PSMC6: variants seen among roughly 807,000 people sequenced by gnomAD.
PSMC6 encodes proteasome 26S subunit, ATPase 6.
Under a neutral mutation model 55.9 loss-of-function variants are expected in PSMC6, and 3 were observed. The ratio of observed to expected loss-of-function variants is 0.05; its 90% CI spans 0.02 to 0.14. The LOEUF (loss-of-function observed/expected upper bound fraction) is 0.14. Ranked by LOEUF, PSMC6 falls within the 10% of genes least tolerant of loss-of-function variation. PSMC6 has a pLI of 1.00. For synonymous variants in PSMC6, 137 were observed against 155.9 expected (o/e 0.88, Z 0.90); for missense variants, 210 against 478.7 (o/e 0.44, Z 5.24).
At chr14:52,720,367 C>CAA (rs71444775) in intron 10 of PSMC6, among the ~76,000 whole-genome samples, 5,830 of 41,376 alleles carry the variant, frequency 0.14, 1,587 homozygotes, top group African/African-American at 0.21. Context: ...AACTCTGTCT[C>CAA]AAAAAAAAAA....
intron 13 of PSMC6, among the ~76,000 whole-genome samples, chr14:52,725,162 C>G (rs542735511): frequency 2.6e-5 from 4 of 152,346 alleles, no homozygotes; most frequent in Non-Finnish European, 1.5e-5. Flanking sequence ...CATTCTCTTT[C>G]CAAAATGTAA....
intron 1 of PSMC6, among the ~76,000 whole-genome samples, chr14:52,708,088 G>A (rs114375049): frequency 1.4e-3 from 207 of 152,234 alleles, no homozygotes; most frequent in African/African-American, 4.7e-3. Context: ...AAGTATTGCC[G>A]ATCAACAAAG....
chr14:52,707,509 C>G, intron 1 of PSMC6: 1 of 611,250 alleles, frequency 1.6e-6, no homozygotes, highest in Non-Finnish European at 2.8e-6. Flanking sequence ...GCCCGGGTGA[C>G]AGAACATCGG....
At chr14:52,721,430 C>T (rs1439560446) in intron 12 of PSMC6, 1 of 391,122 alleles carries the variant, frequency 2.6e-6, no homozygotes, top group East Asian at 4.3e-5. Context: ...AACTTATATT[C>T]TTGTTAGGAA....
At position 52,724,119 on chromosome 14, in the gene PSMC6, G is replaced by A. The variant is rs978784656; in HGVS notation, c.1051+83G>A. On this transcript the variant is annotated intron_variant, in intron 13 of 13. Coordinates refer to ENST00000445930, the MANE Select transcript of PSMC6 (RefSeq NM_002806.5). Reference sequence around the variant, plus strand: ...TGTTTTGAGTTTATCTGAAAGCGGAGCATAGACTTTGCAAGGATTTGGGTT... The same window carrying A: ...TGTTTTGAGTTTATCTGAAAGCGGAACATAGACTTTGCAAGGATTTGGGTT... The A allele has an allele frequency of 5.4e-6, 7 of 1,301,414 alleles. No homozygotes were observed. The Admixed American group carries it at 5.8e-5, about 11-fold the overall frequency. The allele number at this position is 1,301,414 out of a possible 1,614,324, so 80.6% of individuals were successfully genotyped here.
intron 7 of PSMC6, among the ~76,000 whole-genome samples, chr14:52,716,645 C>T (rs922614215): frequency 1.3e-5 from 2 of 151,792 alleles, no homozygotes; most frequent in African/African-American, 2.4e-5. Context: ...CCCAGCTACT[C>T]GGGAGGCAGA....
intron 3 of PSMC6, 35 bp from the exon 4 acceptor site, chr14:52,708,729 T>C (rs1372756503): frequency 6.2e-7 from 1 of 1,610,636 alleles, no homozygotes; most frequent in Non-Finnish European, 8.5e-7. Flanking sequence ...TTACTTTCTA[T>C]TTTTCAATTA....
chr14:52,708,589 T>G (rs2041730671), intron 3 of PSMC6, 67 bp downstream of exon 3: 3 of 1,555,366 alleles, frequency 1.9e-6, no homozygotes, highest in Non-Finnish European at 2.6e-6. Flanking sequence ...TTTGAAATGC[T>G]TATTATTTTA....
At chr14:52,709,288 ACAAATGACCT>A (rs1221960088) in intron 4 of PSMC6, among the ~76,000 whole-genome samples, 2 of 152,250 alleles carry the variant, frequency 1.3e-5, no homozygotes. Flanking sequence ...AAAGATGCCA[ACAAATGACCT>A]CAAGTCATTC....
At chr14:52,707,586 A>G (rs184362305) in intron 1 of PSMC6, 14 of 369,422 alleles carry the variant, frequency 3.8e-5, no homozygotes, top group African/African-American at 2.7e-4. Flanking sequence ...GATGTTTCCC[A>G]GGTTAGGGTG....
intron 9 of PSMC6, 120 bp downstream of exon 9, chr14:52,718,472 G>A (rs1230093299): frequency 1.7e-6 from 2 of 1,148,774 alleles, no homozygotes; most frequent in Non-Finnish European, 2.5e-6. Flanking sequence ...TGAATCAGAT[G>A]TTAGTTTAAC....
intron 6 of PSMC6, among the ~76,000 whole-genome samples, chr14:52,712,799 T>C (rs2139840562): frequency 6.6e-6 from 1 of 152,208 alleles, no homozygotes; most frequent in African/African-American, 2.4e-5. Flanking sequence ...TTATTTTTTG[T>C]AGAGATGGGG....
At chr14:52,708,922 C>A in intron 4 of PSMC6, 106 bp downstream of exon 4, 1 of 1,495,864 alleles carries the variant, frequency 6.7e-7, no homozygotes, top group South Asian at 1.3e-5. Context: ...ATGCCCATAA[C>A]TCACAAGGAT....
chr14:52,718,065 C>A lies in PSMC6; in HGVS notation c.530-16C>A, dbSNP rs781404109. 2.0e-5 allele frequency: 33 copies of A among 1,611,128 alleles called. No individual in the cohort carries two copies. Among genetic ancestry groups the A allele is most frequent in the Non-Finnish European group, 2.7e-5 (32 of 1,179,168 alleles). On this transcript the variant is annotated splice_polypyrimidine_tract_variant and intron_variant, in intron 7 of 13. Coordinates refer to ENST00000445930, the MANE Select transcript of PSMC6 (RefSeq NM_002806.5). ...CTACCTTACCATCTAATTAAGACTT[C>A]TTTTGTCATTCTTAGGTACGGGAAA... is the stretch of plus-strand genomic sequence containing the variant.
intron 7 of PSMC6, among the ~76,000 whole-genome samples, chr14:52,715,555 GA>G (rs1412138119): frequency 6.6e-6 from 1 of 151,598 alleles, no homozygotes; most frequent in Non-Finnish European, 1.5e-5. Flanking sequence ...GTGAAAATTA[GA>G]ATTTTTAGAA....
intron 7 of PSMC6, among the ~76,000 whole-genome samples, chr14:52,714,776 G>T (rs1226768864): frequency 7.0e-6 from 1 of 143,862 alleles, no homozygotes; most frequent in Non-Finnish European, 1.5e-5. Flanking sequence ...TGAGGCAGGA[G>T]AATTGCTTGA....
At chr14:52,719,700 A>G (rs1216693008) in intron 10 of PSMC6, among the ~76,000 whole-genome samples, 1 of 152,238 alleles carries the variant, frequency 6.6e-6, no homozygotes, top group East Asian at 1.9e-4. Flanking sequence ...ATAACATAGC[A>G]TTTGGAAATT....
In PSMC6 at chr14:52,724,056, T is replaced by G; in HGVS notation, c.1051+20T>G. 1 of 1,596,194 alleles carries G rather than the reference T, an allele frequency of 6.3e-7. No individual in the cohort carries two copies. The highest frequency in any genetic ancestry group is 8.6e-7 in the Non-Finnish European group (1 of 1,166,822). On this transcript the variant is annotated intron_variant, in intron 13 of 13. Transcript: ENST00000445930. ...AAGCAGGTAAGGGTTTAAAGTACAG[T>G]TTTACTATTGATTTTGATTTTTAAA...
chr14:52,726,637 ATTTTAT>A (rs1880424925), intron 13 of PSMC6, among the ~76,000 whole-genome samples: 3 of 151,872 alleles, frequency 2.0e-5, no homozygotes, highest in African/African-American at 4.8e-5. Context: ...TTTAAGCCTG[ATTTTAT>A]TTTATTTTAT....
Sources: gnomAD v4.1 joint callset for allele counts (sites outside exome capture counted in the v4.1 genomes callset) on GRCh38, gnomAD v4.1.1 for gene constraint, MANE v1.5 for transcripts, NCBI Gene and HGNC (gene_info 2026-07-23, HGNC 2026-07-21) for gene names.